The following GPC5 variants were observed in gnomAD, a reference collection of about 807,000 sequenced individuals.
The protein encoded by GPC5 is glypican 5.
A neutral mutation model predicts 53.9 loss-of-function variants in GPC5; 47 were observed. The ratio of observed to expected loss-of-function variants is 0.87; its 90% CI spans 0.69 to 1.11. The LOEUF (loss-of-function observed/expected upper bound fraction) is 1.11. GPC5 is among the 50% of genes most tolerant of loss of function. The probability of loss-of-function intolerance (pLI) is 0.00; values close to 1 mark genes in which losing one functional copy is unlikely to be tolerated. For synonymous variants in GPC5, 286 were observed against 263.3 expected (o/e 1.09, Z -0.84); for missense variants, 748 against 713.1 (o/e 1.05, Z -0.56).
At chr13:92,730,936 C>A (rs527413337) in intron 7 of GPC5, among the ~76,000 whole-genome samples, 2 of 151,362 alleles carry the variant, frequency 1.3e-5, no homozygotes, top group Non-Finnish European at 3.0e-5. Context: ...ACTACTTCTC[C>A]CTCATTTGTA....
rs192427624 is a variant in GPC5 at position 91,848,556 on chromosome 13, T to G, written c.1281-59381T>G. On this transcript the variant is annotated intron_variant, in intron 5 of 7. Coordinates refer to ENST00000377067, the MANE Select transcript of GPC5 (RefSeq NM_004466.6). ...CTATAAGAGTTAGAAGAACAGAAAC[T>G]GGAAATAGAGGAGAAAGAGAAAGTA... is the stretch of plus-strand genomic sequence containing the variant. Among the ~76,000 whole-genome samples the G allele has an allele frequency of 5.3e-5, 8 of 151,950 alleles. 1 individual carries two copies. The highest frequency in any genetic ancestry group is 1.9e-4 in the African/African-American group (8 of 41,388).
chr13:92,183,606 T>G (rs2042162996), intron 7 of GPC5, among the ~76,000 whole-genome samples: 1 of 152,268 alleles, frequency 6.6e-6, no homozygotes, highest in South Asian at 2.1e-4. Context: ...TTAAAAACCC[T>G]TGGAAAAACT....
chr13:92,367,197 A>G (rs1471860836), intron 7 of GPC5, among the ~76,000 whole-genome samples: 1 of 152,204 alleles, frequency 6.6e-6, no homozygotes, highest in African/African-American at 2.4e-5. Context: ...ATACTAAGCT[A>G]TCTGCTTTTA....
chr13:92,847,626 C>A (rs566998305), intron 7 of GPC5, among the ~76,000 whole-genome samples: 2 of 151,792 alleles, frequency 1.3e-5, no homozygotes, highest in South Asian at 4.2e-4. Flanking sequence ...AGCCATTAAA[C>A]CTTTTTTTTT....
chr13:92,108,381 C>G (rs1207520993), intron 6 of GPC5, among the ~76,000 whole-genome samples: 2 of 152,140 alleles, frequency 1.3e-5, no homozygotes, highest in African/African-American at 4.8e-5. Context: ...GCATTATTAT[C>G]TTTCCCATTA....
At chr13:92,200,572 C>G (rs141937973) in intron 7 of GPC5, among the ~76,000 whole-genome samples, 88 of 152,288 alleles carry the variant, frequency 5.8e-4, no homozygotes, top group African/African-American at 2.0e-3. Flanking sequence ...ATGTTCCAAA[C>G]AAATTATCTC....
chr13:91,958,467 G>C (rs1594687846), intron 6 of GPC5, among the ~76,000 whole-genome samples: 1 of 151,974 alleles, frequency 6.6e-6, no homozygotes, highest in Non-Finnish European at 1.5e-5. Flanking sequence ...GCATTAGACA[G>C]ATCATCTAGA....
intron 7 of GPC5, among the ~76,000 whole-genome samples, chr13:92,589,223 C>T (rs1199404942): frequency 2.6e-5 from 4 of 152,112 alleles, no homozygotes; most frequent in African/African-American, 4.8e-5. Flanking sequence ...TTCCATCTAC[C>T]GGCTGTACCA....
intron 7 of GPC5, among the ~76,000 whole-genome samples, chr13:92,805,816 T>C (rs765114969): frequency 3.6e-4 from 55 of 152,042 alleles, no homozygotes; most frequent in Non-Finnish European, 6.5e-4. Context: ...ACAGACATGC[T>C]GTCATACAAG....
intron 7 of GPC5, among the ~76,000 whole-genome samples, chr13:92,683,305 T>C (rs1198471070): frequency 2.0e-5 from 3 of 152,128 alleles, no homozygotes; most frequent in Admixed American, 1.3e-4. Flanking sequence ...GTCTGTTCCT[T>C]GGGAATGTGG....
intron 6 of GPC5, among the ~76,000 whole-genome samples, chr13:92,110,135 G>A (rs144630928): frequency 4.6e-5 from 7 of 152,222 alleles, no homozygotes; most frequent in African/African-American, 1.4e-4. Context: ...TCTTTCGATC[G>A]TTTCAGATGA....
chr13:92,769,110 T>C (rs1875518134), intron 7 of GPC5, among the ~76,000 whole-genome samples: 1 of 152,280 alleles, frequency 6.6e-6, no homozygotes, highest in South Asian at 2.1e-4. Flanking sequence ...CTAATATCAC[T>C]CAAGTGAATA....
chr13:92,531,735 G>A (rs1360766367), intron 7 of GPC5, among the ~76,000 whole-genome samples: 1 of 152,038 alleles, frequency 6.6e-6, no homozygotes, highest in Non-Finnish European at 1.5e-5. Context: ...TATTCTATGC[G>A]TACTGATCTC....
intron 6 of GPC5, among the ~76,000 whole-genome samples, chr13:92,080,073 C>A (rs1408309126): frequency 6.6e-6 from 1 of 152,162 alleles, no homozygotes; most frequent in Non-Finnish European, 1.5e-5. Context: ...GATTTGCCTG[C>A]AGAATTGGAG....
intron 7 of GPC5, among the ~76,000 whole-genome samples, chr13:92,855,480 C>CT (rs1267462973): frequency 3.3e-5 from 5 of 151,878 alleles, no homozygotes; most frequent in Non-Finnish European, 7.4e-5. Context: ...CATTGCTTTG[C>CT]TTTTTCAGCC....
chr13:92,538,058 T>C (rs1881781433), intron 7 of GPC5, among the ~76,000 whole-genome samples: 1 of 152,154 alleles, frequency 6.6e-6, no homozygotes, highest in South Asian at 2.1e-4. Context: ...TGGAAGCTGG[T>C]GACCTATTTA....
At chr13:91,644,994 G>T (rs1361768338) in intron 2 of GPC5, among the ~76,000 whole-genome samples, 1 of 152,214 alleles carries the variant, frequency 6.6e-6, no homozygotes, top group Non-Finnish European at 1.5e-5. Context: ...GGAATACCAG[G>T]TTTTGTGCTC....
chr13:92,307,133 A>G (rs2043116445), intron 7 of GPC5, among the ~76,000 whole-genome samples: 9 of 152,246 alleles, frequency 5.9e-5, no homozygotes, highest in Admixed American at 5.2e-4. Context: ...TTTGAAATGT[A>G]ACTTTTCAAA....
intron 7 of GPC5, among the ~76,000 whole-genome samples, chr13:92,445,428 T>C (rs1877770298): frequency 6.6e-6 from 1 of 151,358 alleles, no homozygotes; most frequent in Admixed American, 6.6e-5. Context: ...ACTTGTCATT[T>C]AGCATTAGGT....
Sources: gnomAD v4.1 joint callset for allele counts (sites outside exome capture counted in the v4.1 genomes callset) on GRCh38, gnomAD v4.1.1 for gene constraint, MANE v1.5 for transcripts, NCBI Gene and HGNC (gene_info 2026-07-23, HGNC 2026-07-21) for gene names.